The following MFAP2 variants were observed in gnomAD, a reference collection of about 807,000 sequenced individuals.
The protein encoded by MFAP2 is microfibril associated protein 2, also known as microfibrillar-associated protein 2.
MFAP2 carries 23 observed loss-of-function variants against 30.6 expected under a neutral mutation model. The ratio of observed to expected loss-of-function variants is 0.75; its 90% CI spans 0.54 to 1.07. The LOEUF (loss-of-function observed/expected upper bound fraction) is 1.07, where lower values mean the gene tolerates loss of function less well. Among genes scored for constraint, MFAP2 ranks in the 50% least tolerant of loss-of-function variants. The pLI is 0.00. For missense variants in MFAP2, 198 were observed against 223.8 expected (o/e 0.88, Z 0.74); for synonymous variants, 73 against 85.7 (o/e 0.85, Z 0.82).
upstream of MFAP2, among the ~76,000 whole-genome samples, chr1:16,981,538 G>T (rs892707955): frequency 6.6e-6 from 1 of 152,128 alleles, no homozygotes; most frequent in Non-Finnish European, 1.5e-5. Flanking sequence ...TTGTGACTCC[G>T]TTCACTGCTC....
At position 16,976,415 on chromosome 1, in the gene MFAP2, G is replaced by C; in HGVS notation, c.286+86C>G. On this transcript the variant is annotated intron_variant, in intron 6 of 8. Coordinates refer to ENST00000375535, the MANE Select transcript of MFAP2 (RefSeq NM_002403.4). The surrounding 1 kb of genome is among the most constrained non-coding windows in gnomAD (Gnocchi z 5.5). ...AGAGCCCACATGGGCAAGGGCCAAA[G>C]ACCTCCAGCCCACCAGCACCACCCC... 6.4e-7 allele frequency: 1 copy of C among 1,555,904 alleles called. No individual in the cohort carries two copies. Among genetic ancestry groups the C allele is most frequent in the Non-Finnish European group, 8.9e-7 (1 of 1,127,600 alleles).
chr1:16,980,689 C>T (rs957109068), upstream of MFAP2: 1 of 152,090 alleles, frequency 6.6e-6, no homozygotes, highest in Non-Finnish European at 1.5e-5. Context: ...TGGCGCCCGC[C>T]CTCCAGCCCC....
At position 16,976,394 on chromosome 1, in the gene MFAP2, C is replaced by T; in HGVS notation, c.286+107G>A. 7.0e-7 allele frequency: 1 copy of T among 1,424,486 alleles called. No individual in the cohort carries two copies. Among genetic ancestry groups the T allele is most frequent in the Non-Finnish European group, 9.9e-7 (1 of 1,009,720 alleles). The allele number at this position is 1,424,486 out of a possible 1,614,324, so 88.2% of individuals were successfully genotyped here. On this transcript the variant is annotated intron_variant, in intron 6 of 8. Coordinates refer to ENST00000375535, the MANE Select transcript of MFAP2 (RefSeq NM_002403.4). The surrounding 1 kb of genome is among the most constrained non-coding windows in gnomAD (Gnocchi z 5.5). Reference sequence around the variant, plus strand: ...GTCATACTGCCCACACTGCCAAGAGCCCACATGGGCAAGGGCCAAAGACCT... The same window carrying T: ...GTCATACTGCCCACACTGCCAAGAGTCCACATGGGCAAGGGCCAAAGACCT...
rs2076581198 is a variant in MFAP2 at position 16,975,361 on chromosome 1, G to A, written c.375-19C>T. ...GCGGAGGCTGCGGGGACAGGGCACG[G>A]GAGGTCTCAGCCCCACTTCCACCCA... is the stretch of plus-strand genomic sequence containing the variant. On this transcript the variant is annotated intron_variant, in intron 7 of 8. Coordinates refer to ENST00000375535, the MANE Select transcript of MFAP2 (RefSeq NM_002403.4). The surrounding 1 kb of genome is among the most constrained non-coding windows in gnomAD (Gnocchi z 5.0). The A allele has an allele frequency of 1.2e-6, 2 of 1,611,810 alleles. No homozygotes were observed. The highest frequency in any genetic ancestry group is 1.1e-5 in the South Asian group (1 of 90,750).
intron 2 of MFAP2, 39 bp from the exon 3 acceptor site, chr1:16,977,237 G>A: frequency 1.3e-6 from 2 of 1,598,152 alleles, no homozygotes; most frequent in South Asian, 1.1e-5. Context: ...CCCATCGGGA[G>A]GGGCAACGGG....
rs893675776 is a variant in MFAP2, at chr1:16,976,365, G to A, written c.286+136C>T. On this transcript the variant is annotated intron_variant, in intron 6 of 8. Transcript: ENST00000375535. This position sits in a 1 kb window ranked among gnomAD's most constrained non-coding sequence, Gnocchi z 5.5. ...GGGGGGCCTGGTGATGCCAGCCTAC[G>A]GCAGTCATACTGCCCACACTGCCAA... is the stretch of plus-strand genomic sequence containing the variant. 1.3e-5 allele frequency: 15 copies of A among 1,121,452 alleles called. No individual in the cohort carries two copies. The highest frequency in any genetic ancestry group is 4.6e-5 in the African/African-American group (3 of 64,996). 69.5% of individuals were successfully genotyped at this position (1,121,452 alleles called of 1,614,324 possible). A position where few individuals can be genotyped will look rare whatever the true frequency, so the allele number is the denominator to read the frequency against.
Position 16,975,616 on chromosome 1 carries a change from TC to T in MFAP2, c.374+26del, listed in dbSNP as rs768207443. The T allele has an allele frequency of 8.1e-6, 13 of 1,609,890 alleles. No homozygotes were observed. The highest frequency in any genetic ancestry group is 7.6e-6 in the Non-Finnish European group (9 of 1,176,828). ...TCTAGCCCCCCATGCTCCGGAATCC[TC>T]CCGACAGCTGCCCATCTGTGCTCAC... is the stretch of plus-strand genomic sequence containing the variant. On this transcript the variant is annotated intron_variant, in intron 7 of 8. Transcript: ENST00000375535. This position sits in a 1 kb window ranked among gnomAD's most constrained non-coding sequence, Gnocchi z 5.0.
Position 16,975,423 on chromosome 1 carries a change from GAGCCC to G in MFAP2, c.375-86_375-82del, listed in dbSNP as rs1408578009. The G allele has an allele frequency of 1.2e-5, 11 of 898,970 alleles. No homozygotes were observed. In the African/African-American group the frequency reaches 3.0e-4, roughly 24 times the overall value. The allele number at this position is 898,970 out of a possible 1,614,324, so 55.7% of individuals were successfully genotyped here. ...ATAGCCCAGACAGAACCTGGCACGGGAGCCCGGACAGAACCTGGCACGGGAGCCCG... is the reference window on the plus strand; with the variant it reads ...ATAGCCCAGACAGAACCTGGCACGGGGGACAGAACCTGGCACGGGAGCCCG... On this transcript the variant is annotated intron_variant, in intron 7 of 8. Transcript: ENST00000375535. The surrounding 1 kb of genome is among the most constrained non-coding windows in gnomAD (Gnocchi z 5.0).
Position 16,975,571 on chromosome 1 carries a change from C to T in MFAP2, c.374+72G>A. On this transcript the variant is annotated intron_variant, in intron 7 of 8. Transcript: ENST00000375535. This position sits in a 1 kb window ranked among gnomAD's most constrained non-coding sequence, Gnocchi z 5.0. The stretch of plus-strand genomic sequence containing the variant: ...TCCTCCAACTCCCACCTTGGCGGGC[C>T]AGAGCTGTCCCCTGTGCCCTCTAGC... 6.7e-7 allele frequency: 1 copy of T among 1,491,176 alleles called. No individual in the cohort carries two copies. Among genetic ancestry groups the T allele is most frequent in the Non-Finnish European group, 9.3e-7 (1 of 1,075,940 alleles). 92.4% of individuals were successfully genotyped at this position (1,491,176 alleles called of 1,614,324 possible). A position where few individuals can be genotyped will look rare whatever the true frequency, so the allele number is the denominator to read the frequency against.
chr1:16,979,468 T>A lies in MFAP2; in HGVS notation c.-42+1119A>T, dbSNP rs148655918. ...GAGGTCTTTCCCTCCTTCCTCTCAA[T>A]CCTGAGGCCTCCTGACCCCCTGGCT... On this transcript the variant is annotated intron_variant, in intron 1 of 8. Transcript: ENST00000375535. Among the ~76,000 whole-genome samples, 278 of 152,288 alleles carry A rather than the reference T, an allele frequency of 1.8e-3. 1 individual carries two copies. The highest frequency in any genetic ancestry group is 2.7e-3 in the Non-Finnish European group (181 of 68,008).
At chr1:16,977,367 C>A in intron 2 of MFAP2, 169 bp from the exon 3 acceptor site, 1 of 654,240 alleles carries the variant, frequency 1.5e-6, no homozygotes, top group Non-Finnish European at 2.6e-6. Flanking sequence ...AAAGACCCTT[C>A]CCCACCCTGG....
intron 2 of MFAP2, 124 bp from the exon 3 acceptor site, chr1:16,977,322 AGAT>A (rs1232583791): frequency 1.2e-6 from 1 of 819,632 alleles, no homozygotes; most frequent in African/African-American, 1.7e-5. Context: ...CCCCACAAGC[AGAT>A]TCCTAGAGGA....
chr1:16,977,382 G>A, intron 2 of MFAP2, 184 bp from the exon 3 acceptor site: 1 of 618,914 alleles, frequency 1.6e-6, no homozygotes, highest in Admixed American at 3.0e-5. Context: ...CCCTGGTCAT[G>A]GGTCACCTCC....
At chr1:16,978,676 A>T (rs1456208672) in intron 1 of MFAP2, among the ~76,000 whole-genome samples, 1 of 152,184 alleles carries the variant, frequency 6.6e-6, no homozygotes, top group Non-Finnish European at 1.5e-5. Flanking sequence ...CCTCTGGCCC[A>T]GTGGCTCCCT....
Position 16,978,329 on chromosome 1 carries a change from G to T in MFAP2, c.-41-15C>A. The T allele has an allele frequency of 6.5e-7, 1 of 1,548,178 alleles. No individual in the cohort carries two copies. The highest frequency in any genetic ancestry group is 2.0e-5 in the Admixed American group (1 of 51,042). ...AGAGAGGACAGCTGGGGAAAGACCG[G>T]TGGGAGAGCTCTACCCAGGGCCACA... On this transcript the variant is annotated splice_polypyrimidine_tract_variant and intron_variant, in intron 1 of 8. Coordinates refer to ENST00000375535, the MANE Select transcript of MFAP2 (RefSeq NM_002403.4).
In MFAP2 at chr1:16,976,783, G is replaced by A. The variant is rs759153602; in HGVS notation, c.166C>T (p.Arg56Trp). Residue 56 changes from arginine to tryptophan, a missense_variant, in exon 5 of 9, where the codon CGG becomes TGG. Arg to Trp is a moderately radical substitution (Grantham distance 101). Coordinates refer to ENST00000375535, the MANE Select transcript of MFAP2 (RefSeq NM_002403.4). The surrounding 1 kb of genome is among the most constrained non-coding windows in gnomAD (Gnocchi z 5.5). The part of the protein sequence containing the change: ...DYYDYQEVTP[R>W]PSEEQFQFQS... ...AACTGGAACTGTTCCTCGGAGGGCCGAGGAGTCACCTCTGCAGCCAGGGGA... is the reference window on the plus strand; with the variant it reads ...AACTGGAACTGTTCCTCGGAGGGCCAAGGAGTCACCTCTGCAGCCAGGGGA... The A allele has an allele frequency of 1.9e-5, 30 of 1,613,896 alleles. No individual in the cohort carries two copies. The highest frequency in any genetic ancestry group is 2.3e-5 in the Non-Finnish European group (27 of 1,179,976).
At position 16,975,615 on chromosome 1, in the gene MFAP2, C is replaced by T. The variant is rs201868478; in HGVS notation, c.374+28G>A. 3.7e-4 allele frequency: 593 copies of T among 1,609,442 alleles called. 2 individuals are homozygous for T. Among genetic ancestry groups the T allele is most frequent in the Middle Eastern group, 3.5e-3 (21 of 6,058 alleles). ...CTCTAGCCCCCCATGCTCCGGAATC[C>T]TCCCGACAGCTGCCCATCTGTGCTC... On this transcript the variant is annotated intron_variant, in intron 7 of 8. Coordinates refer to ENST00000375535, the MANE Select transcript of MFAP2 (RefSeq NM_002403.4). The surrounding 1 kb of genome is among the most constrained non-coding windows in gnomAD (Gnocchi z 5.0).
chr1:16,975,173 A>G lies in MFAP2; in HGVS notation c.448+96T>C. On this transcript the variant is annotated intron_variant, in intron 8 of 8. Transcript: ENST00000375535. This position sits in a 1 kb window ranked among gnomAD's most constrained non-coding sequence, Gnocchi z 5.0. Reference sequence around the variant, plus strand: ...TGTCCTGGAAGTGGGCCTGGTGGATAATATGTGTTGAATAAACATCAGGTG... The same window carrying G: ...TGTCCTGGAAGTGGGCCTGGTGGATGATATGTGTTGAATAAACATCAGGTG... 1 of 1,322,562 alleles carries G rather than the reference A, an allele frequency of 7.6e-7. No homozygotes were observed. Among genetic ancestry groups the G allele is most frequent in the Non-Finnish European group, 1.1e-6 (1 of 932,818 alleles). 81.9% of individuals were successfully genotyped at this position (1,322,562 alleles called of 1,614,324 possible). A position where few individuals can be genotyped will look rare whatever the true frequency, so the allele number is the denominator to read the frequency against.
In MFAP2 at chr1:16,975,692, A is replaced by C; in HGVS notation, c.325T>G (p.Ser109Ala). ...CACTGTTTGCAAGGCCTGTGTATGG[A>C]GTAGAGGCGGGTGCACGGGTACTGT... Reference protein sequence around the residue: ...EEQYPCTRLYSIHRPCKQCLN... With the variant: ...EEQYPCTRLYAIHRPCKQCLN... The change falls in exon 7 of 9, where the codon TCC becomes GCC. Residue 109 changes from serine to alanine, a missense_variant. Ser to Ala is a moderately conservative substitution (Grantham distance 99, BLOSUM62 1). Transcript: ENST00000375535. This position sits in a 1 kb window ranked among gnomAD's most constrained non-coding sequence, Gnocchi z 5.0. The C allele has an allele frequency of 6.2e-7, 1 of 1,613,934 alleles. No homozygotes were observed. The highest frequency in any genetic ancestry group is 1.1e-5 in the South Asian group (1 of 91,068).
Sources: gnomAD v4.1 joint callset for allele counts (sites outside exome capture counted in the v4.1 genomes callset) on GRCh38, gnomAD v4.1.1 for gene constraint, Gnocchi (gnomAD v3.1) non-coding constraint, MANE v1.5 for transcripts, NCBI Gene and HGNC (gene_info 2026-07-23, HGNC 2026-07-21) for gene names.